TENM2: variants seen among roughly 807,000 people sequenced by gnomAD.
The protein encoded by TENM2 is teneurin-2.
A neutral mutation model predicts 245.2 loss-of-function variants in TENM2; 52 were observed. The observed-to-expected ratio is 0.21, with a 90% confidence interval of 0.17 to 0.27. TENM2 has a LOEUF of 0.27. Among genes scored for constraint, TENM2 ranks in the 10% least tolerant of loss-of-function variants. TENM2 has a pLI of 1.00. For missense variants in TENM2, 3,046 were observed against 3,666.8 expected, an observed-to-expected ratio of 0.83 and a Z score of 4.37; for synonymous variants, 1,363 against 1,438.9, an observed-to-expected ratio of 0.95 and a Z score of 1.19.
chr5:167,579,892 T>C (rs971594688), intron 2 of TENM2, among the ~76,000 whole-genome samples: 6 of 152,212 alleles, frequency 3.9e-5, no homozygotes, highest in Non-Finnish European at 5.9e-5. Flanking sequence ...AGCTACATGA[T>C]ATCCTGCAGG....
intron 27 of TENM2, among the ~76,000 whole-genome samples, chr5:168,252,514 G>T (rs1767208597): frequency 6.6e-6 from 1 of 151,802 alleles, no homozygotes. Context: ...TCTGAGGCCA[G>T]TTCTCTCTCA....
chr5:167,826,828 G>T (rs1455454855), intron 2 of TENM2, among the ~76,000 whole-genome samples: 2 of 152,222 alleles, frequency 1.3e-5, no homozygotes, highest in Non-Finnish European at 2.9e-5. Context: ...ATGAGATCAT[G>T]CACATTGAGG....
chr5:167,018,631 A>G, the TENM2 span, among the ~76,000 whole-genome samples: 2 of 152,222 alleles, frequency 1.3e-5, no homozygotes, highest in African/African-American at 4.8e-5. Flanking sequence ...ATGTGAGGAC[A>G]TGAGACTTCT....
the TENM2 span, among the ~76,000 whole-genome samples, chr5:167,167,776 A>G: frequency 6.6e-6 from 1 of 152,172 alleles, no homozygotes; most frequent in African/African-American, 2.4e-5. Context: ...GCATCCCCAA[A>G]GCCTAGCACC....
At chr5:167,803,048 A>G (rs1310154756) in intron 2 of TENM2, among the ~76,000 whole-genome samples, 2 of 152,172 alleles carry the variant, frequency 1.3e-5, no homozygotes, top group South Asian at 4.1e-4. Context: ...TAAATGCTTG[A>G]TGTAGGAGGC....
At chr5:167,629,516 C>T (rs1778728167) in intron 2 of TENM2, among the ~76,000 whole-genome samples, 1 of 152,182 alleles carries the variant, frequency 6.6e-6, no homozygotes, top group Non-Finnish European at 1.5e-5. Flanking sequence ...ATATCACTGT[C>T]TCTCTGGACC....
intron 1 of TENM2, among the ~76,000 whole-genome samples, chr5:167,359,603 T>TG (rs1759575305): frequency 6.6e-6 from 1 of 152,178 alleles, no homozygotes; most frequent in Admixed American, 6.5e-5. Context: ...TTGCTTTTGT[T>TG]GCGATTGCTA....
intron 2 of TENM2, among the ~76,000 whole-genome samples, chr5:167,572,556 G>A (rs375885137): frequency 6.6e-6 from 1 of 152,072 alleles, no homozygotes; most frequent in African/African-American, 2.4e-5. Flanking sequence ...TACCATGAAA[G>A]GTAAGCAGTC....
intron 3 of TENM2, among the ~76,000 whole-genome samples, chr5:167,919,695 T>A (rs1486427323): frequency 1.3e-5 from 2 of 152,146 alleles, no homozygotes; most frequent in African/African-American, 2.4e-5. Flanking sequence ...TAGATCTAGG[T>A]CTCACTTCCT....
At chr5:167,673,804 C>G (rs775944115) in intron 2 of TENM2, among the ~76,000 whole-genome samples, 35 of 151,804 alleles carry the variant, frequency 2.3e-4, no homozygotes, top group Admixed American at 4.6e-4. Context: ...ATACACCCTT[C>G]TATTGACCTG....
At chr5:168,210,186 G>A (rs539521025) in intron 19 of TENM2, among the ~76,000 whole-genome samples, 1 of 152,136 alleles carries the variant, frequency 6.6e-6, no homozygotes, top group Non-Finnish European at 1.5e-5. Flanking sequence ...AGCCTGCTGT[G>A]ATCCTGGACT....
At chr5:167,628,858 C>T (rs755634307) in intron 2 of TENM2, among the ~76,000 whole-genome samples, 1 of 152,164 alleles carries the variant, frequency 6.6e-6, no homozygotes, top group Non-Finnish European at 1.5e-5. Flanking sequence ...TTCATTCTTA[C>T]TTTCTTTATT....
At chr5:167,911,922 G>A (rs979975609) in intron 3 of TENM2, among the ~76,000 whole-genome samples, 6 of 152,034 alleles carry the variant, frequency 3.9e-5, no homozygotes, top group African/African-American at 1.5e-4. Flanking sequence ...TCTGTTATAT[G>A]TATGTAATGG....
chr5:168,228,801 C>T (rs1764516719), intron 25 of TENM2, among the ~76,000 whole-genome samples: 1 of 151,392 alleles, frequency 6.6e-6, no homozygotes, highest in South Asian at 2.1e-4. Context: ...TTTCCCAGAC[C>T]AGGCAACTTG....
intron 2 of TENM2, among the ~76,000 whole-genome samples, chr5:167,459,725 T>C (rs561230400): frequency 1.3e-5 from 2 of 152,274 alleles, no homozygotes; most frequent in African/African-American, 4.8e-5. Flanking sequence ...TCCCAATGGG[T>C]GTGCAGTGAC....
At chr5:167,416,474 CG>C (rs990310011) in intron 2 of TENM2, among the ~76,000 whole-genome samples, 1 of 152,036 alleles carries the variant, frequency 6.6e-6, no homozygotes, top group African/African-American at 2.4e-5. Flanking sequence ...TAAAATATAA[CG>C]TTACTTTTTG....
At chr5:167,494,166 G>A (rs923469527) in intron 2 of TENM2, among the ~76,000 whole-genome samples, 1 of 152,078 alleles carries the variant, frequency 6.6e-6, no homozygotes. Context: ...ATGCAAGAGA[G>A]CATTCTCATG....
the TENM2 span, among the ~76,000 whole-genome samples, chr5:167,113,382 T>G: frequency 1.3e-5 from 2 of 152,128 alleles, no homozygotes; most frequent in East Asian, 3.9e-4. Flanking sequence ...TGTTCACACC[T>G]GTAATAGCAG....
At chr5:167,276,612 G>A in the TENM2 span, among the ~76,000 whole-genome samples, 1 of 151,818 alleles carries the variant, frequency 6.6e-6, no homozygotes, top group Non-Finnish European at 1.5e-5. Context: ...GATTGGTTCC[G>A]GGATGTCGCA....
Sources: allele counts gnomAD v4.1 joint callset (sites outside exome capture counted in the v4.1 genomes callset), GRCh38; gene constraint gnomAD v4.1.1; transcripts MANE v1.5; gene names NCBI Gene and HGNC (gene_info 2026-07-23, HGNC 2026-07-21).